Variants in PCDH15 observed in about 807,000 individuals in gnomAD.
PCDH15 encodes protocadherin-15.
In PCDH15, 129 loss-of-function variants were observed where a neutral mutation model predicts 178.5. That is an observed-to-expected ratio of 0.72 (90% CI 0.63 to 0.84). The LOEUF (loss-of-function observed/expected upper bound fraction) is 0.84, where lower values mean the gene tolerates loss of function less well. PCDH15 is among the 40% of genes least tolerant of loss of function. The probability of loss-of-function intolerance (pLI) is 0.00; values close to 1 mark genes in which losing one functional copy is unlikely to be tolerated. For synonymous variants in PCDH15, 800 were observed against 732.0 expected (o/e 1.09, Z -1.50); for missense variants, 2,230 against 2,099.9 (o/e 1.06, Z -1.21).
chr10:55,425,262 G>T (rs189117734), intron 2 of PCDH15, among the ~76,000 whole-genome samples: 1 of 151,852 alleles, frequency 6.6e-6, no homozygotes, highest in East Asian at 1.9e-4. Context: ...TCTAAGTATT[G>T]TTTGTAAAAT....
intron 3 of PCDH15, among the ~76,000 whole-genome samples, chr10:54,495,567 A>C (rs1589711789): frequency 6.6e-6 from 1 of 152,134 alleles, no homozygotes; most frequent in East Asian, 1.9e-4. Flanking sequence ...CCTTGAGAAG[A>C]ATGCCCTTGA....
chr10:55,502,161 A>G (rs1840670829), intron 2 of PCDH15, among the ~76,000 whole-genome samples: 1 of 151,512 alleles, frequency 6.6e-6, no homozygotes, highest in Non-Finnish European at 1.5e-5. Context: ...TCAGGGCTTT[A>G]TTACTTCTCC....
intron 2 of PCDH15, among the ~76,000 whole-genome samples, chr10:54,587,531 A>G (rs1000145600): frequency 5.9e-5 from 7 of 118,180 alleles, no homozygotes; most frequent in African/African-American, 1.6e-4. Context: ...CCAAACACAC[A>G]ATAAAAAAAA....
At chr10:54,920,031 T>C (rs1464692938) in intron 2 of PCDH15, among the ~76,000 whole-genome samples, 4 of 152,228 alleles carry the variant, frequency 2.6e-5, no homozygotes, top group Admixed American at 2.0e-4. Flanking sequence ...ATGTATTTAT[T>C]CTTCCATCTA....
chr10:54,040,295 T>A (rs910073132), intron 18 of PCDH15, among the ~76,000 whole-genome samples: 3 of 151,940 alleles, frequency 2.0e-5, no homozygotes, highest in African/African-American at 7.2e-5. Context: ...GGGGGCGGTT[T>A]CCTCCATACT....
At chr10:54,014,039 A>C (rs1423046154) in intron 20 of PCDH15, among the ~76,000 whole-genome samples, 1 of 152,060 alleles carries the variant, frequency 6.6e-6, no homozygotes, top group Non-Finnish European at 1.5e-5. Flanking sequence ...AAAAAAGAGA[A>C]GATCCAACTA....
chr10:54,512,982 C>G (rs1044445579), intron 3 of PCDH15, among the ~76,000 whole-genome samples: 2 of 151,880 alleles, frequency 1.3e-5, no homozygotes, highest in Non-Finnish European at 2.9e-5. Context: ...CATGACAAGG[C>G]TGATAAACTT....
rs1161089467 is a variant in PCDH15, at chr10:54,764,403, T to C, written c.-29+36522A>G. ...TATGAACCACTGTTATGCAAAGGTG[T>C]GCCAGATTCATTGTGTTTAGGGTAG... On this transcript the variant is annotated intron_variant, in intron 1 of 37. Transcript: ENST00000644397. 3.9e-5 allele frequency among the ~76,000 whole-genome samples: 6 copies of C among 152,066 alleles called. 1 individual carries two copies. Among genetic ancestry groups the C allele is most frequent in the African/African-American group, 1.4e-4 (6 of 41,394 alleles).
chr10:54,975,323 T>C (rs1839041942), intron 2 of PCDH15, among the ~76,000 whole-genome samples: 1 of 152,202 alleles, frequency 6.6e-6, no homozygotes, highest in African/African-American at 2.4e-5. Context: ...TTCAACTACC[T>C]AATTTAGGTA....
At chr10:54,881,602 T>C (rs940729399) in intron 3 of PCDH15, among the ~76,000 whole-genome samples, 2 of 152,100 alleles carry the variant, frequency 1.3e-5, no homozygotes, top group Admixed American at 6.6e-5. Context: ...CAAAGTTAAT[T>C]TGCTAAGTGG....
chr10:54,663,619 G>T (rs2094524502), intron 2 of PCDH15, among the ~76,000 whole-genome samples: 1 of 150,848 alleles, frequency 6.6e-6, no homozygotes, highest in South Asian at 2.1e-4. Flanking sequence ...TTACTGTTAG[G>T]GGAAAGCTTA....
upstream of PCDH15, among the ~76,000 whole-genome samples, chr10:54,803,056 A>G (rs1952714639): frequency 6.6e-6 from 1 of 152,212 alleles, no homozygotes; most frequent in Non-Finnish European, 1.5e-5. Context: ...AGTTTTAACC[A>G]GTTTGAAAAC....
At chr10:55,441,988 T>G (rs1363790059) in intron 2 of PCDH15, among the ~76,000 whole-genome samples, 1 of 151,954 alleles carries the variant, frequency 6.6e-6, no homozygotes, top group East Asian at 1.9e-4. Flanking sequence ...CCCCAGCAGG[T>G]GGAAGAGGCA....
At chr10:53,821,007 T>A (rs974744046) in intron 32 of PCDH15, 12 of 711,444 alleles carry the variant, frequency 1.7e-5, no homozygotes, top group Admixed American at 6.3e-5. Context: ...TATGAAAAAA[T>A]TTAAATTAGG....
chr10:54,894,245 G>A (rs60766303), intron 3 of PCDH15, among the ~76,000 whole-genome samples: 1 of 152,056 alleles, frequency 6.6e-6, no homozygotes, highest in Non-Finnish European at 1.5e-5. Flanking sequence ...ATATTGTTCA[G>A]TGCAATTAGA....
chr10:54,598,472 C>G (rs1270970419), intron 2 of PCDH15, among the ~76,000 whole-genome samples: 2 of 151,894 alleles, frequency 1.3e-5, no homozygotes, highest in Middle Eastern at 3.2e-3. Context: ...AGGAATATAC[C>G]TCAAAATAAT....
intron 2 of PCDH15, among the ~76,000 whole-genome samples, chr10:55,585,632 C>T (rs1842712087): frequency 6.6e-6 from 1 of 151,896 alleles, no homozygotes; most frequent in Admixed American, 6.6e-5. Flanking sequence ...GCCGAGATGG[C>T]GCCAATGCAC....
intron 2 of PCDH15, among the ~76,000 whole-genome samples, chr10:55,332,929 A>C (rs1844248386): frequency 6.6e-6 from 1 of 152,154 alleles, no homozygotes; most frequent in South Asian, 2.1e-4. Flanking sequence ...GCATGAAAAC[A>C]AACTAATACA....
chr10:53,990,998 G>A (rs569923019), intron 21 of PCDH15, among the ~76,000 whole-genome samples: 15 of 152,170 alleles, frequency 9.9e-5, no homozygotes, highest in East Asian at 9.7e-4. Context: ...AGCACTGCCC[G>A]CCCGCCCACG....
Sources: gnomAD v4.1 joint callset for allele counts (sites outside exome capture counted in the v4.1 genomes callset) on GRCh38, gnomAD v4.1.1 for gene constraint, MANE v1.5 for transcripts, NCBI Gene and HGNC (gene_info 2026-07-23, HGNC 2026-07-21) for gene names.